The following NEB variants were observed in gnomAD, a reference collection of about 807,000 sequenced individuals.
NEB encodes the protein nemaline myopathy type 2.
Under a neutral mutation model 952.2 loss-of-function variants are expected in NEB, and 512 were observed. That is an observed-to-expected ratio of 0.54 (90% CI 0.50 to 0.58). The LOEUF (loss-of-function observed/expected upper bound fraction) is 0.58, where lower values mean the gene tolerates loss of function less well. Among genes scored for constraint, NEB ranks in the 20% least tolerant of loss-of-function variants. The pLI is 0.00. For missense variants in NEB, 8,428 were observed against 9,231.1 expected, an observed-to-expected ratio of 0.91 and a Z score of 3.56; for synonymous variants, 2,900 against 3,149.8, an observed-to-expected ratio of 0.92 and a Z score of 2.66.
chr2:151,707,744 T>C (rs1400386398), intron 12 of NEB, among the ~76,000 whole-genome samples: 1 of 152,054 alleles, frequency 6.6e-6, no homozygotes, highest in Non-Finnish European at 1.5e-5. Flanking sequence ...ATTCAGGCAA[T>C]ATAAGCACAG....
intron 135 of NEB, among the ~76,000 whole-genome samples, chr2:151,544,593 G>A (rs567874589): frequency 3.3e-5 from 5 of 152,298 alleles, no homozygotes; most frequent in South Asian, 2.1e-4. Context: ...GTCTGAGTGC[G>A]AGTGCGGGCT....
At position 151,666,315 on chromosome 2, in the gene NEB, G is replaced by A. The variant is rs2154179146; in HGVS notation, c.4806C>T (p.Tyr1602=). 2 of 1,613,896 alleles carry A rather than the reference G, an allele frequency of 1.2e-6. No homozygotes were observed. The highest frequency in any genetic ancestry group is 4.5e-5 in the East Asian group (2 of 44,856). The change falls in exon 41 of 182, where the codon TAC becomes TAT. Residue 1602 remains tyrosine (Y), a synonymous_variant. Coordinates refer to ENST00000397345, the MANE Select transcript of NEB (RefSeq NM_001164508.2). ...CAGACTGGATTTTGGCCACATTCATGTAGTGAACCAGTTTAGGATCATCCT... is the reference window on the plus strand; with the variant it reads ...CAGACTGGATTTTGGCCACATTCATATAGTGAACCAGTTTAGGATCATCCT... The part of the protein sequence containing the change: ...SLQDDPKLVH[Y]MNVAKIQSDR...
At chr2:151,562,267 G>A (rs2096114543) in intron 120 of NEB, 53 bp from the exon 121 acceptor site, 2 of 1,414,650 alleles carry the variant, frequency 1.4e-6, no homozygotes, top group Non-Finnish European at 2.0e-6. Flanking sequence ...ATTTACAATT[G>A]AGCATTTGAT....
At chr2:151,511,999 T>C (rs1484542501) in intron 161 of NEB, among the ~76,000 whole-genome samples, 1 of 148,878 alleles carries the variant, frequency 6.7e-6, no homozygotes, top group East Asian at 2.0e-4. Flanking sequence ...AATTCCTGCA[T>C]CATAGGTTAC....
At chr2:151,493,159 C>A (rs1283778784) in intron 176 of NEB, 194 bp downstream of exon 176, 3 of 545,670 alleles carry the variant, frequency 5.5e-6, no homozygotes, top group East Asian at 6.1e-5. Context: ...CAGTTAATGT[C>A]TATTTTAGTG....
At chr2:151,631,021 A>G in intron 66 of NEB, 122 bp downstream of exon 66, 2 of 1,354,252 alleles carry the variant, frequency 1.5e-6, no homozygotes, top group Non-Finnish European at 2.0e-6. Context: ...GATTTCAAGC[A>G]TGTAATTTAA....
At chr2:151,670,963 G>A (rs2099278309) in intron 38 of NEB, 60 bp downstream of exon 38, 1 of 1,497,592 alleles carries the variant, frequency 6.7e-7, no homozygotes, top group African/African-American at 1.4e-5. Context: ...AAGGACGGAG[G>A]AGCGGCTCAG....
chr2:151,625,638 G>A lies in NEB; in HGVS notation c.10348C>T (p.Arg3450Cys), dbSNP rs200462308. The A allele has an allele frequency of 8.0e-5, 126 of 1,580,662 alleles. No individual in the cohort carries two copies. Among genetic ancestry groups the A allele is most frequent in the Non-Finnish European group, 9.8e-5 (114 of 1,158,416 alleles). Residue 3450 changes from arginine (R) to cysteine (C), a missense_variant and splice_region_variant, in exon 71 of 182, where the codon CGC becomes TGC. Arg to Cys is a radical substitution (Grantham distance 180, BLOSUM62 -3). Around this residue, in one of 11 missense-constraint regions of NEB, gnomAD observed 1,772 missense variants for 1,960.3 expected, o/e 0.90. Coordinates refer to ENST00000397345, the MANE Select transcript of NEB (RefSeq NM_001164508.2). ...AKNNALNMNK[R>C]LYTEAWDKDK... ...TTGTCCCAGGCTTCTGTGTATAAGC[G>A]CTGTGAAGGATAAAAAGGTTAATGA...
rs1404208254 is a variant in NEB at position 151,524,332 on chromosome 2, C to T, written c.22458G>A (p.Lys7486=). 6.2e-7 allele frequency: 1 copy of T among 1,613,890 alleles called. No individual in the cohort carries two copies. The highest frequency in any genetic ancestry group is 8.5e-7 in the Non-Finnish European group (1 of 1,179,874). ...LGRPDIEMAK[K]AAKLSSQVKY... ...TTACCTGGCTGCTCAGCTTGGCTGC[C>T]TTCTTGGCCATTTCTATGTCTGGGC... Residue 7486 remains lysine, a synonymous_variant, in exon 153 of 182, where the codon AAG becomes AAA. Coordinates refer to ENST00000397345, the MANE Select transcript of NEB (RefSeq NM_001164508.2).
intron 127 of NEB, 62 bp downstream of exon 127, chr2:151,553,336 C>T: frequency 7.4e-7 from 1 of 1,349,950 alleles, no homozygotes; most frequent in Middle Eastern, 1.8e-4. Flanking sequence ...ACATAACCTC[C>T]TCTTAACTCT....
At chr2:151,661,007 G>A (rs916791946) in intron 46 of NEB, among the ~76,000 whole-genome samples, 2 of 152,186 alleles carry the variant, frequency 1.3e-5, no homozygotes, top group African/African-American at 4.8e-5. Flanking sequence ...TGAAATGCTA[G>A]TGGAAAGAGT....
intron 180 of NEB, 23 bp downstream of exon 180, chr2:151,490,349 A>G (rs963339345): frequency 1.9e-6 from 3 of 1,580,682 alleles, no homozygotes; most frequent in African/African-American, 1.4e-5. Context: ...GGGACTGCCA[A>G]AATCAGCGCC....
At chr2:151,504,535 G>A (rs1414537568) in intron 165 of NEB, among the ~76,000 whole-genome samples, 3 of 152,134 alleles carry the variant, frequency 2.0e-5, no homozygotes, top group Admixed American at 2.0e-4. Flanking sequence ...GAGTGAGAAG[G>A]GAATGAGATC....
chr2:151,693,075 C>T (rs967540278), intron 20 of NEB, among the ~76,000 whole-genome samples: 13 of 152,154 alleles, frequency 8.5e-5, no homozygotes, highest in African/African-American at 3.1e-4. Context: ...GAAGAGTATT[C>T]TGTTGAGCAC....
rs1269029222 is a variant in NEB, at chr2:151,502,821, A to T, written c.23900T>A (p.Val7967Asp). The stretch of plus-strand genomic sequence containing the variant: ...GCTAAAGTTCTCTTGATTGCGTTTG[A>T]CTCTCTCCATCTCTGGAGTGATAGG... Reference protein sequence around the residue: ...PTPITPEMERVKRNQENFSSI... With the variant: ...PTPITPEMERDKRNQENFSSI... Residue 7967 changes from valine (V) to aspartate (D), a missense_variant, in exon 167 of 182, where the codon GTC becomes GAC. By Grantham distance (152) the Val-to-Asp change is radical (BLOSUM62 -3). Transcript: ENST00000397345. 6.2e-7 allele frequency: 1 copy of T among 1,607,944 alleles called. No individual in the cohort carries two copies. The highest frequency in any genetic ancestry group is 8.5e-7 in the Non-Finnish European group (1 of 1,176,864).
intron 153 of NEB, among the ~76,000 whole-genome samples, chr2:151,520,272 A>T (rs188534403): frequency 6.6e-6 from 1 of 152,290 alleles, no homozygotes; most frequent in Admixed American, 6.5e-5. Context: ...TTTAAAAATT[A>T]TTAAACTTGG....
rs761142981 is a variant in NEB at position 151,513,678 on chromosome 2, CTCGCTTATAT to C, written c.23133_23142del (p.Tyr7712ThrfsTer11). On this transcript the variant is annotated frameshift_variant, in exon 160 of 182. Transcript: ENST00000397345. LOFTEE classifies it high-confidence loss of function. ...CTTCCTTTGACTTCCAGTTCCAGGT[CTCGCTTATAT>C]TCTTTCTATAGTAGCATTAAAAGAA... The C allele has an allele frequency of 1.9e-6, 3 of 1,601,816 alleles. No individual in the cohort carries two copies. The highest frequency in any genetic ancestry group is 3.4e-5 in the Admixed American group (2 of 58,644).
At chr2:151,507,079 T>C (rs2069656488) in intron 162 of NEB, 66 bp from the exon 163 acceptor site, 7 of 997,958 alleles carry the variant, frequency 7.0e-6, no homozygotes, top group Non-Finnish European at 1.1e-5. Context: ...ATTTGTCCTA[T>C]ATTATGTGAA....
Position 151,610,898 on chromosome 2 carries a change from G to T in NEB, c.11806-32C>A, listed in dbSNP as rs1409195177. ...GGCAGGGCGGCATGGGGCATGGGGAGAGGGAGGGAGTATAAGACCTTCTGT... is the reference window on the plus strand; with the variant it reads ...GGCAGGGCGGCATGGGGCATGGGGATAGGGAGGGAGTATAAGACCTTCTGT... On this transcript the variant is annotated intron_variant, in intron 78 of 181. Transcript: ENST00000397345. The T allele has an allele frequency of 3.6e-6, 5 of 1,377,414 alleles. No homozygotes were observed. The African/African-American group carries it at 5.8e-5, about 16-fold the overall frequency. The allele number at this position is 1,377,414 out of a possible 1,614,324, so 85.3% of individuals were successfully genotyped here. A position where few individuals can be genotyped will look rare whatever the true frequency, so the allele number is the denominator to read the frequency against.
Sources: allele counts gnomAD v4.1 joint callset (sites outside exome capture counted in the v4.1 genomes callset), GRCh38; gene constraint gnomAD v4.1.1; regional missense constraint gnomAD v4.1.1; transcripts MANE v1.5; gene names NCBI Gene and HGNC (gene_info 2026-07-23, HGNC 2026-07-21).